Variants in PBRM1 observed in about 807,000 individuals in gnomAD.
PBRM1 encodes polybromo 1.
A neutral mutation model predicts 194.5 loss-of-function variants in PBRM1; 27 were observed. The ratio of observed to expected loss-of-function variants is 0.14; its 90% confidence interval spans 0.10 to 0.19. PBRM1 has a LOEUF of 0.19. Ranked by LOEUF, PBRM1 falls within the 10% of genes least tolerant of loss-of-function variation. The pLI, the probability that PBRM1 is intolerant of heterozygous loss-of-function variation, is 1.00. For missense variants in PBRM1, 1,466 were observed against 2,077.2 expected, an observed-to-expected ratio of 0.71 and a Z score of 5.72; for synonymous variants, 655 against 693.2, an observed-to-expected ratio of 0.94 and a Z score of 0.87.
intron 22 of PBRM1, among the ~76,000 whole-genome samples, chr3:52,571,014 C>T (rs1245979472): frequency 1.3e-5 from 2 of 151,762 alleles, no homozygotes; most frequent in African/African-American, 2.4e-5. Flanking sequence ...TGAGCTACCA[C>T]GTTGGCTATC....
chr3:52,582,043 G>C (rs1052233158), intron 20 of PBRM1, among the ~76,000 whole-genome samples: 4 of 151,632 alleles, frequency 2.6e-5, no homozygotes, highest in Non-Finnish European at 5.9e-5. Context: ...AGGAGTTCAA[G>C]ACCAGCTTGA....
At chr3:52,575,458 G>A (rs2089210819) in intron 22 of PBRM1, among the ~76,000 whole-genome samples, 1 of 149,050 alleles carries the variant, frequency 6.7e-6, no homozygotes, top group Admixed American at 6.7e-5. Flanking sequence ...AATTGTTCCT[G>A]AGAAATTCCA....
chr3:52,635,216 C>T (rs1455194616), intron 10 of PBRM1, among the ~76,000 whole-genome samples: 1 of 152,048 alleles, frequency 6.6e-6, no homozygotes, highest in African/African-American at 2.4e-5. Flanking sequence ...TGTGAGCCAC[C>T]ACGCCTGGCC....
intron 10 of PBRM1, among the ~76,000 whole-genome samples, chr3:52,638,901 G>A (rs984301953): frequency 2.1e-5 from 3 of 144,530 alleles, no homozygotes; most frequent in Admixed American, 1.5e-4. Flanking sequence ...TTTTATTCTT[G>A]AATCCATTTT....
chr3:52,648,203 A>C, intron 7 of PBRM1, 141 bp downstream of exon 8: 1 of 556,814 alleles, frequency 1.8e-6, no homozygotes, highest in Non-Finnish European at 3.1e-6. Context: ...CACTGCGCCC[A>C]GCCTAAATTA....
chr3:52,613,710 C>T (rs2094782610), intron 15 of PBRM1, among the ~76,000 whole-genome samples: 1 of 151,966 alleles, frequency 6.6e-6, no homozygotes, highest in Non-Finnish European at 1.5e-5. Context: ...AAAAAGGAGG[C>T]CAGGCACCAT....
rs549210670 is a variant in PBRM1, at chr3:52,579,257, T to C, written c.3388-58A>G. 8 of 1,493,088 alleles carry C rather than the reference T, an allele frequency of 5.4e-6. No individual in the cohort carries two copies. The African/African-American group carries it at 9.7e-5, about 18-fold the overall frequency. The allele number at this position is 1,493,088 out of a possible 1,614,324, so 92.5% of individuals were successfully genotyped here. A position where few individuals can be genotyped will look rare whatever the true frequency, so the allele number is the denominator to read the frequency against. ...GTTGATAATCAAGGAATAGAGAAGG[T>C]AAGAAACGAAAGCAGACTTTTCTTT... is the stretch of plus-strand genomic sequence containing the variant. On this transcript the variant is annotated intron_variant, in intron 20 of 29. Transcript: ENST00000296302.
At chr3:52,581,248 G>C (rs1177755532) in intron 20 of PBRM1, among the ~76,000 whole-genome samples, 1 of 152,192 alleles carries the variant, frequency 6.6e-6, no homozygotes, top group Non-Finnish European at 1.5e-5. Flanking sequence ...GGTGGCTTAC[G>C]CCTGTAATCC....
Position 52,579,170 on chromosome 3 carries a change from G to C in PBRM1, c.3417C>G (p.Ser1139=), listed in dbSNP as rs560370909. The stretch of plus-strand genomic sequence containing the variant: ...AGTAGTGGCAACCTGGTTCACCATT[G>C]GACATTTCCACAGGGACATCTTCTT... The change falls in exon 21 of 30, where the codon TCC becomes TCG. Residue 1139 remains serine (S), a synonymous_variant. Coordinates refer to ENST00000296302, the Ensembl canonical transcript of PBRM1. 3 of 1,613,936 alleles carry C rather than the reference G, an allele frequency of 1.9e-6. No homozygotes were observed. In the South Asian group the frequency reaches 3.3e-5, roughly 18 times the overall value.
intron 17 of PBRM1, among the ~76,000 whole-genome samples, chr3:52,602,303 C>T (rs1301400458): frequency 6.6e-6 from 1 of 152,172 alleles, no homozygotes; most frequent in Non-Finnish European, 1.5e-5. Flanking sequence ...CTAGGGGTTG[C>T]TCCTCTCTTT....
At chr3:52,573,497 T>C (rs1362901949) in intron 22 of PBRM1, among the ~76,000 whole-genome samples, 2 of 152,196 alleles carry the variant, frequency 1.3e-5, no homozygotes, top group African/African-American at 2.4e-5. Flanking sequence ...TTTCACCACG[T>C]TGGCCAGGCT....
intron 6 of PBRM1, among the ~76,000 whole-genome samples, chr3:52,649,879 T>C (rs866724474): frequency 3.3e-5 from 5 of 152,126 alleles, no homozygotes; most frequent in Middle Eastern, 3.4e-3. Flanking sequence ...TCTGAGACTT[T>C]TGGAAAGAAG....
Position 52,612,258 on chromosome 3 carries a change from C to CAAAAAAAAAAAAAAAAAAAAAAAAAAAA in PBRM1, c.1925-2304_1925-2303insTTTTTTTTTTTTTTTTTTTTTTTTTTTT, listed in dbSNP as rs566481465. On this transcript the variant is annotated intron_variant, in intron 15 of 29. Coordinates refer to ENST00000296302, the Ensembl canonical transcript of PBRM1. ...TAGGCAACAGAGCGAGATTCCGTCTCAAAAAAAAAAAAAAAAAAAAAAAAG... is the reference window on the plus strand; with the variant it reads ...TAGGCAACAGAGCGAGATTCCGTCTCAAAAAAAAAAAAAAAAAAAAAAAAAAAAAAAAAAAAAAAAAAAAAAAAAAAAG... 2.9e-4 allele frequency among the ~76,000 whole-genome samples: 7 copies of CAAAAAAAAAAAAAAAAAAAAAAAAAAAA among 24,012 alleles called. 1 individual carries two copies. Among genetic ancestry groups the CAAAAAAAAAAAAAAAAAAAAAAAAAAAA allele is most frequent in the Non-Finnish European group, 5.4e-4 (7 of 12,910 alleles). 15.8% of individuals were successfully genotyped at this position (24,012 alleles called of 152,430 possible).
At chr3:52,631,197 G>A (rs1032989628) in intron 11 of PBRM1, among the ~76,000 whole-genome samples, 6 of 151,996 alleles carry the variant, frequency 3.9e-5, no homozygotes, top group Admixed American at 6.6e-5. Flanking sequence ...AACGTCAGGC[G>A]TGGTGACTCA....
At chr3:52,562,812 A>T (rs1459151991) in intron 24 of PBRM1, among the ~76,000 whole-genome samples, 1 of 152,164 alleles carries the variant, frequency 6.6e-6, no homozygotes, top group Non-Finnish European at 1.5e-5. Context: ...AAGTGCTGGG[A>T]TTACAGACAT....
At chr3:52,658,802 C>A (rs576219560) in intron 4 of PBRM1, among the ~76,000 whole-genome samples, 1 of 152,284 alleles carries the variant, frequency 6.6e-6, no homozygotes, top group South Asian at 2.1e-4. Context: ...CCTATATGAA[C>A]CTAATGAGGT....
chr3:52,684,336 G>A (rs1352353956), upstream of PBRM1, among the ~76,000 whole-genome samples: 1 of 152,108 alleles, frequency 6.6e-6, no homozygotes, highest in African/African-American at 2.4e-5. Context: ...ATAGTGGACA[G>A]TTAAGAATAC....
At chr3:52,645,318 TTTTC>T (rs1232368182) in intron 7 of PBRM1, among the ~76,000 whole-genome samples, 11 of 151,666 alleles carry the variant, frequency 7.3e-5, no homozygotes, top group East Asian at 1.9e-4. Context: ...ATTCATCTTT[TTTTC>T]TTTCTTTCTT....
chr3:52,553,413 C>A (rs1271956048), intron 27 of PBRM1, among the ~76,000 whole-genome samples: 1 of 151,452 alleles, frequency 6.6e-6, no homozygotes, highest in Non-Finnish European at 1.5e-5. Flanking sequence ...TATAAAAGAA[C>A]TTCTAAGCTT....
Sources: gnomAD v4.1 joint callset for allele counts (sites outside exome capture counted in the v4.1 genomes callset) on GRCh38, gnomAD v4.1.1 for gene constraint, MANE v1.5 for transcripts, NCBI Gene and HGNC (gene_info 2026-07-23, HGNC 2026-07-21) for gene names.